The following DIAPH3 variants were observed in gnomAD, a reference collection of about 807,000 sequenced individuals.
DIAPH3 encodes diaphanous related formin 3.
DIAPH3 carries 117 observed loss-of-function variants against 144.3 expected under a neutral mutation model. The observed-to-expected ratio is 0.81, with a 90% CI of 0.70 to 0.95. DIAPH3 has a LOEUF of 0.95. Ranked by LOEUF, DIAPH3 falls within the 40% of genes least tolerant of loss-of-function variation. DIAPH3 has a pLI of 0.00. For synonymous variants in DIAPH3, 519 were observed against 488.9 expected, an observed-to-expected ratio of 1.06 and a Z score of -0.81; for missense variants, 1,421 against 1,412.7, an observed-to-expected ratio of 1.01 and a Z score of -0.09.
intron 2 of DIAPH3, among the ~76,000 whole-genome samples, chr13:60,124,836 A>G (rs571937702): frequency 3.0e-4 from 45 of 149,038 alleles, no homozygotes; most frequent in Admixed American, 1.3e-3. Context: ...CCCTGTCTCA[A>G]AAAAAAAAAG....
chr13:59,784,395 T>C (rs1410743510), intron 25 of DIAPH3, among the ~76,000 whole-genome samples: 2 of 142,676 alleles, frequency 1.4e-5, no homozygotes, highest in Non-Finnish European at 3.1e-5. Context: ...TTATTATTAT[T>C]TTTTGAAGAC....
At chr13:59,795,455 C>CTCTT (rs1555299669) in intron 25 of DIAPH3, among the ~76,000 whole-genome samples, 3 of 136,884 alleles carry the variant, frequency 2.2e-5, no homozygotes, top group African/African-American at 5.3e-5. Context: ...TTCTCTCTCT[C>CTCTT]TTTTTTTTTT....
chr13:60,145,661 C>G (rs1951478290), intron 1 of DIAPH3, among the ~76,000 whole-genome samples: 1 of 152,078 alleles, frequency 6.6e-6, no homozygotes, highest in South Asian at 2.1e-4. Flanking sequence ...AAAACAAAAC[C>G]TCAAAGATAA....
chr13:59,989,883 A>G (rs2051695235), intron 12 of DIAPH3, among the ~76,000 whole-genome samples: 2 of 151,868 alleles, frequency 1.3e-5, no homozygotes, highest in Admixed American at 1.3e-4. Context: ...ATTCTTGGGT[A>G]CTCAAACAGC....
intron 24 of DIAPH3, among the ~76,000 whole-genome samples, chr13:59,825,123 G>C (rs1566368797): frequency 2.6e-5 from 4 of 151,886 alleles, no homozygotes. Context: ...TGCCATGCTG[G>C]TGTGCTGCAC....
intron 4 of DIAPH3, among the ~76,000 whole-genome samples, chr13:60,060,657 G>A (rs1030630650): frequency 2.6e-5 from 4 of 152,018 alleles, no homozygotes; most frequent in Non-Finnish European, 4.4e-5. Flanking sequence ...TGTCTCATAC[G>A]CCTTTTATAT....
At chr13:60,135,534 C>A (rs548100397) in intron 1 of DIAPH3, among the ~76,000 whole-genome samples, 1 of 152,156 alleles carries the variant, frequency 6.6e-6, no homozygotes, top group Non-Finnish European at 1.5e-5. Context: ...ATCATTCCTT[C>A]TCTTCCAGAG....
intron 17 of DIAPH3, among the ~76,000 whole-genome samples, chr13:59,962,572 A>C (rs371055483): frequency 1.3e-5 from 2 of 152,128 alleles, no homozygotes; most frequent in African/African-American, 4.8e-5. Flanking sequence ...AGTAGTAAGG[A>C]CTGCCATTAG....
At chr13:59,819,400 C>T (rs182857367) in intron 24 of DIAPH3, among the ~76,000 whole-genome samples, 3 of 151,698 alleles carry the variant, frequency 2.0e-5, no homozygotes, top group East Asian at 3.9e-4. Flanking sequence ...AGGACAGCCA[C>T]GTTTTTAAAA....
At chr13:60,077,115 C>A (rs938076394) in intron 4 of DIAPH3, among the ~76,000 whole-genome samples, 8 of 151,814 alleles carry the variant, frequency 5.3e-5, no homozygotes, top group Admixed American at 5.3e-4. Context: ...ATGAATGATA[C>A]TTGGAATGTT....
At chr13:59,942,863 C>G (rs577311815) in intron 17 of DIAPH3, among the ~76,000 whole-genome samples, 1 of 152,236 alleles carries the variant, frequency 6.6e-6, no homozygotes, top group South Asian at 2.1e-4. Flanking sequence ...ATGTCTAGAT[C>G]AACAACATTT....
At chr13:60,016,004 C>T (rs370058847) in intron 6 of DIAPH3, 22 bp from the exon 7 acceptor site, 1 of 1,610,888 alleles carries the variant, frequency 6.2e-7, no homozygotes, top group African/African-American at 1.3e-5. Context: ...TAAAAAATAG[C>T]AGTGTTGGAA....
chr13:59,879,573 A>C, intron 20 of DIAPH3, 105 bp from the exon 21 acceptor site: 1 of 1,472,378 alleles, frequency 6.8e-7, no homozygotes, highest in South Asian at 1.2e-5. Flanking sequence ...ACAGTACCAA[A>C]GAAGAAATAT....
intron 27 of DIAPH3, among the ~76,000 whole-genome samples, chr13:59,686,567 T>C (rs1426969597): frequency 6.6e-6 from 1 of 152,056 alleles, no homozygotes; most frequent in Non-Finnish European, 1.5e-5. Flanking sequence ...CCCATTGAGA[T>C]AATGTATAAA....
intron 4 of DIAPH3, among the ~76,000 whole-genome samples, chr13:60,079,665 A>G (rs1360400246): frequency 6.7e-6 from 1 of 149,604 alleles, no homozygotes; most frequent in Non-Finnish European, 1.5e-5. Context: ...CTTATGTGGG[A>G]AAAAAAAAGT....
At position 59,670,942 on chromosome 13, in the gene DIAPH3, CGCCT is replaced by C. The variant is rs1020583847; in HGVS notation, c.3320-4100_3320-4097del. ...CCAGGCTGGGGATAAGCTATCTACC[CGCCT>C]CAGCGTCACAAAGTGCTGGGATTAC... On this transcript the variant is annotated intron_variant, in intron 27 of 27. Transcript: ENST00000400324. 4.9e-4 allele frequency among the ~76,000 whole-genome samples: 74 copies of C among 152,200 alleles called. 2 individuals are homozygous for C. Among genetic ancestry groups the C allele is most frequent in the Admixed American group, 4.8e-3 (74 of 15,284 alleles).
intron 1 of DIAPH3, among the ~76,000 whole-genome samples, chr13:60,147,018 C>T (rs971716061): frequency 2.6e-5 from 4 of 152,184 alleles, no homozygotes; most frequent in African/African-American, 4.8e-5. Flanking sequence ...ACTGCATCAT[C>T]TTTGCCAGAA....
chr13:59,952,198 T>A (rs1180157302), intron 17 of DIAPH3, among the ~76,000 whole-genome samples: 1 of 151,992 alleles, frequency 6.6e-6, no homozygotes, highest in Non-Finnish European at 1.5e-5. Context: ...CCAGAACACA[T>A]AAATTTATAG....
At chr13:59,929,955 T>G (rs1257347483) in intron 17 of DIAPH3, among the ~76,000 whole-genome samples, 1 of 152,202 alleles carries the variant, frequency 6.6e-6, no homozygotes, top group Non-Finnish European at 1.5e-5. Context: ...AATTGCAAGG[T>G]AATTGCAAAT....
Sources: allele counts gnomAD v4.1 joint callset (sites outside exome capture counted in the v4.1 genomes callset), GRCh38; gene constraint gnomAD v4.1.1; transcripts MANE v1.5; gene names NCBI Gene and HGNC (gene_info 2026-07-23, HGNC 2026-07-21).